Variants in DNAH12 observed in about 807,000 individuals in gnomAD.
DNAH12 encodes axonemal beta dynein heavy chain 12.
Under a neutral mutation model 371.5 loss-of-function variants are expected in DNAH12, and 285 were observed. The ratio of observed to expected loss-of-function variants is 0.77; its 90% CI spans 0.70 to 0.85. The LOEUF is 0.85. Among genes scored for constraint, DNAH12 ranks in the 40% least tolerant of loss-of-function variants. DNAH12 has a pLI of 0.00. For missense variants in DNAH12, 3,611 were observed against 3,689.4 expected, an observed-to-expected ratio of 0.98 and a Z score of 0.55; for synonymous variants, 1,200 against 1,213.0, an observed-to-expected ratio of 0.99 and a Z score of 0.22.
intron 65 of DNAH12, among the ~76,000 whole-genome samples, chr3:57,317,726 A>G (rs2061717302): frequency 2.0e-5 from 3 of 152,036 alleles, no homozygotes; most frequent in African/African-American, 7.2e-5. Context: ...TTCTGTTTTT[A>G]ATTTTTTGAG....
chr3:57,542,878 C>T lies in DNAH12; in HGVS notation c.-8G>A. ...TTTGTTTGCATCTGACATCTTGATC[C>T]CCTAAAGATTAAAATACTCTGTACT... On this transcript the variant is annotated 5_prime_UTR_variant, in exon 2 of 74. Transcript: ENST00000495027. The T allele has an allele frequency of 2.5e-6, 4 of 1,574,098 alleles. No homozygotes were observed. Among genetic ancestry groups the T allele is most frequent in the Non-Finnish European group, 3.4e-6 (4 of 1,165,852 alleles).
rs1447916393 is a variant in DNAH12, at chr3:57,421,502, G to A, written c.5562+16C>T. ...TTTGTGTTTTATCTTACCATAACAAGCTTTTTATGTCATACCTCATACATG... is the reference window on the plus strand; with the variant it reads ...TTTGTGTTTTATCTTACCATAACAAACTTTTTATGTCATACCTCATACATG... On this transcript the variant is annotated intron_variant, in intron 36 of 73. Coordinates refer to ENST00000495027, the MANE Select transcript of DNAH12 (RefSeq NM_001366028.2). The A allele has an allele frequency of 1.9e-6, 3 of 1,550,812 alleles. No individual in the cohort carries two copies. The South Asian group carries it at 3.6e-5, about 18-fold the overall frequency.
At chr3:57,423,587 T>C (rs1182946927) in intron 35 of DNAH12, among the ~76,000 whole-genome samples, 3 of 152,068 alleles carry the variant, frequency 2.0e-5, no homozygotes, top group Non-Finnish European at 4.4e-5. Context: ...TGCTATGCTG[T>C]GAGGGGAGAG....
Position 57,433,770 on chromosome 3 carries a change from C to G in DNAH12, c.4714G>C (p.Asp1572His), listed in dbSNP as rs6773904. The change falls in exon 31 of 74, where the codon GAT becomes CAT. Residue 1572 changes from aspartate (D) to histidine (H), a missense_variant. Around this residue, in one of 3 missense-constraint regions of DNAH12, gnomAD observed 2,266 missense variants for 2,236.9 expected, o/e 1.01. Transcript: ENST00000495027. ...TGTTCATTCATTAAAGTTAGCGTAT[C>G]CGCCAGCACATGCAGAACTTTTGTC... ...AKTKVLHVLADTLTLMNEHGY... is the reference protein window; with the variant it reads ...AKTKVLHVLAHTLTLMNEHGY... 2 of 1,550,672 alleles carry G rather than the reference C, an allele frequency of 1.3e-6. No homozygotes were observed. The highest frequency in any genetic ancestry group is 1.7e-6 in the Non-Finnish European group (2 of 1,146,732).
intron 39 of DNAH12, among the ~76,000 whole-genome samples, chr3:57,409,363 T>C (rs2064134610): frequency 6.6e-6 from 1 of 152,082 alleles, no homozygotes. Context: ...ACAACCCTAA[T>C]AATCAACAAT....
chr3:57,390,970 T>C (rs2063610641), intron 45 of DNAH12, among the ~76,000 whole-genome samples: 1 of 152,184 alleles, frequency 6.6e-6, no homozygotes, highest in Non-Finnish European at 1.5e-5. Context: ...CCAACTCAAC[T>C]GCTGCTGCCC....
chr3:57,374,251 A>G (rs891215991), intron 55 of DNAH12, among the ~76,000 whole-genome samples: 1 of 152,116 alleles, frequency 6.6e-6, no homozygotes, highest in East Asian at 1.9e-4. Context: ...ATAAAATGGG[A>G]TAATAATAAT....
chr3:57,336,647 G>T (rs1422915011), intron 60 of DNAH12, among the ~76,000 whole-genome samples: 2 of 152,132 alleles, frequency 1.3e-5, no homozygotes, highest in Non-Finnish European at 2.9e-5. Context: ...AATAGAAATG[G>T]TAACTTTGTA....
At chr3:57,343,135 G>C (rs1253565832) in intron 60 of DNAH12, among the ~76,000 whole-genome samples, 1 of 152,002 alleles carries the variant, frequency 6.6e-6, no homozygotes, top group African/African-American at 2.4e-5. Flanking sequence ...CACACAAATG[G>C]CCAAAAACAC....
At chr3:57,431,544 C>A (rs2064956077) in intron 32 of DNAH12, among the ~76,000 whole-genome samples, 2 of 152,182 alleles carry the variant, frequency 1.3e-5, no homozygotes, top group African/African-American at 4.8e-5. Context: ...CCTCATTTTC[C>A]CAATATTTTC....
At position 57,445,263 on chromosome 3, in the gene DNAH12, A is replaced by G. The variant is rs1278300043; in HGVS notation, c.4336T>C (p.Tyr1446His). 6.4e-7 allele frequency: 1 copy of G among 1,551,364 alleles called. No individual in the cohort carries two copies. Among genetic ancestry groups the G allele is most frequent in the Non-Finnish European group, 8.7e-7 (1 of 1,146,874 alleles). ...CSEQLSSQFH[Y>H]DYGMRAVKAV... Reference sequence around the variant, plus strand: ...TTTACTGCTCGCATTCCATAGTCGTAATGAAATTGCGATGAGAGCTGCTCT... The same window carrying G: ...TTTACTGCTCGCATTCCATAGTCGTGATGAAATTGCGATGAGAGCTGCTCT... The change falls in exon 28 of 74, where the codon TAC (tyrosine) becomes CAC (histidine). Residue 1446 changes from tyrosine to histidine, a missense_variant. Physicochemically the swap from Tyr to His is moderately conservative, Grantham distance 83 (BLOSUM62 2). Transcript: ENST00000495027.
chr3:57,433,276 CT>C (rs765196562), intron 32 of DNAH12, 90 bp downstream of exon 32: 3 of 1,349,342 alleles, frequency 2.2e-6, no homozygotes, highest in Non-Finnish European at 2.9e-6. Context: ...TTTTTGCATC[CT>C]TTATTTTAAA....
At position 57,334,737 on chromosome 3, in the gene DNAH12, T is replaced by G. The variant is rs900127735; in HGVS notation, c.9833+45A>C. On this transcript the variant is annotated intron_variant, in intron 61 of 73. Coordinates refer to ENST00000495027, the MANE Select transcript of DNAH12 (RefSeq NM_001366028.2). ...AAATCACTAAATTGAAGAACAAGTT[T>G]ACATATTGCCATTCAATGATAAATC... is the stretch of plus-strand genomic sequence containing the variant. 4 of 1,523,874 alleles carry G rather than the reference T, an allele frequency of 2.6e-6. No homozygotes were observed. The African/African-American group carries it at 5.6e-5, about 21-fold the overall frequency. 94.4% of individuals were successfully genotyped at this position (1,523,874 alleles called of 1,614,324 possible).
chr3:57,317,418 T>A (rs965594276), intron 65 of DNAH12, among the ~76,000 whole-genome samples: 1 of 152,190 alleles, frequency 6.6e-6, no homozygotes, highest in South Asian at 2.1e-4. Context: ...CACCTTCTGA[T>A]TCTATGAGTT....
intron 60 of DNAH12, among the ~76,000 whole-genome samples, chr3:57,340,070 C>CA (rs113037670): frequency 0.1 from 13,328 of 128,660 alleles, 1,157 homozygotes; most frequent in African/African-American, 0.25. Flanking sequence ...CACCCTGTTT[C>CA]AAAAAAAAAA....
intron 2 of DNAH12, among the ~76,000 whole-genome samples, chr3:57,541,538 T>C (rs2069284547): frequency 6.6e-6 from 1 of 151,848 alleles, no homozygotes; most frequent in Non-Finnish European, 1.5e-5. Context: ...GCTAATTTTT[T>C]TTTTTTTATA....
chr3:57,502,635 C>T (rs901824411), intron 9 of DNAH12, among the ~76,000 whole-genome samples, 156 bp from the exon 10 acceptor site: 11 of 152,070 alleles, frequency 7.2e-5, no homozygotes, highest in Admixed American at 2.6e-4. Context: ...CTGCAACCTC[C>T]GCCTCCCAGG....
chr3:57,355,838 T>C (rs1325730387), intron 59 of DNAH12, among the ~76,000 whole-genome samples: 2 of 152,226 alleles, frequency 1.3e-5, no homozygotes, highest in African/African-American at 2.4e-5. Context: ...TCTCACAGCA[T>C]ACATGATTGG....
intron 39 of DNAH12, among the ~76,000 whole-genome samples, chr3:57,408,963 C>T (rs2064123488): frequency 1.3e-5 from 2 of 152,134 alleles, no homozygotes; most frequent in African/African-American, 2.4e-5. Context: ...TAATAACACT[C>T]CCCTTTTACT....
Sources: gnomAD v4.1 joint callset for allele counts (sites outside exome capture counted in the v4.1 genomes callset) on GRCh38, gnomAD v4.1.1 for gene constraint, gnomAD v4.1.1 regional missense constraint, MANE v1.5 for transcripts, NCBI Gene and HGNC (gene_info 2026-07-23, HGNC 2026-07-21) for gene names.